Variants in ITFG1 observed in about 807,000 individuals in gnomAD.
ITFG1 encodes T-cell immunomodulatory protein.
ITFG1 carries 34 observed loss-of-function variants against 81.8 expected under a neutral mutation model. That is an observed-to-expected ratio of 0.42 (90% confidence interval 0.32 to 0.55). The LOEUF is 0.55. ITFG1 is among the 20% of genes least tolerant of loss of function. The pLI, the probability that ITFG1 is intolerant of heterozygous loss-of-function variation, is 0.17. For synonymous variants in ITFG1, 285 were observed against 270.6 expected, an observed-to-expected ratio of 1.05 and a Z score of -0.52; for missense variants, 672 against 755.4, an observed-to-expected ratio of 0.89 and a Z score of 1.29.
intron 13 of ITFG1, among the ~76,000 whole-genome samples, chr16:47,221,028 A>C (rs938387089): frequency 6.6e-6 from 1 of 152,204 alleles, no homozygotes; most frequent in Non-Finnish European, 1.5e-5. Context: ...GAAAACCAAC[A>C]GCTTTGCAAG....
intron 14 of ITFG1, chr16:47,202,150 T>C (rs370480184): frequency 7.2e-5 from 11 of 152,352 alleles, no homozygotes; most frequent in African/African-American, 2.4e-4. Context: ...TATGTTGAAC[T>C]AGATAATAGT....
chr16:47,358,544 A>G (rs1968069812), intron 8 of ITFG1, among the ~76,000 whole-genome samples: 1 of 152,234 alleles, frequency 6.6e-6, no homozygotes, highest in Non-Finnish European at 1.5e-5. Context: ...TTTTAGATTC[A>G]GAACAATTTT....
At chr16:47,177,000 C>T (rs1965035832) in intron 14 of ITFG1, among the ~76,000 whole-genome samples, 1 of 150,940 alleles carries the variant, frequency 6.6e-6, no homozygotes, top group Admixed American at 6.6e-5. Flanking sequence ...GCTCTGTGAC[C>T]CAGGCTGGAG....
chr16:47,266,420 G>A (rs1024218578), intron 10 of ITFG1, among the ~76,000 whole-genome samples: 1 of 152,164 alleles, frequency 6.6e-6, no homozygotes, highest in Non-Finnish European at 1.5e-5. Context: ...GTTTCACCAT[G>A]TTGGCCCGGC....
intron 8 of ITFG1, among the ~76,000 whole-genome samples, chr16:47,345,278 T>A (rs1292623280): frequency 6.6e-6 from 1 of 150,590 alleles, no homozygotes; most frequent in Non-Finnish European, 1.5e-5. Context: ...AGAAAAAAAA[T>A]TGCAAAAAAA....
intron 6 of ITFG1, among the ~76,000 whole-genome samples, chr16:47,416,377 CTG>C (rs1302042757): frequency 6.6e-6 from 1 of 151,924 alleles, no homozygotes; most frequent in Non-Finnish European, 1.5e-5. Context: ...AAAGAAAAAA[CTG>C]AGAATTCATA....
intron 10 of ITFG1, among the ~76,000 whole-genome samples, chr16:47,265,853 T>A (rs113989188): frequency 1.2e-3 from 180 of 152,128 alleles, no homozygotes; most frequent in Non-Finnish European, 2.1e-3. Context: ...ATATATTGCC[T>A]CCAATATAAA....
rs1969059741 is a variant in ITFG1 at position 47,428,992 on chromosome 16, A to G, written c.561-94T>C. 4 of 699,548 alleles carry G rather than the reference A, an allele frequency of 5.7e-6. No individual in the cohort carries two copies. In the Admixed American group the frequency reaches 8.6e-5, roughly 15 times the overall value. The allele number at this position is 699,548 out of a possible 1,614,324, so 43.3% of individuals were successfully genotyped here. On this transcript the variant is annotated intron_variant, in intron 5 of 17. Coordinates refer to ENST00000320640, the MANE Select transcript of ITFG1 (RefSeq NM_030790.5). ...CTCTGCATGCAAAACACTTAAATTT[A>G]TTTATTTTCATTGATATATTCAACA...
chr16:47,454,640 A>T (rs986870702), intron 2 of ITFG1, among the ~76,000 whole-genome samples: 7 of 152,148 alleles, frequency 4.6e-5, no homozygotes, highest in African/African-American at 1.7e-4. Flanking sequence ...TTATTTCTGA[A>T]AGCTAGTAAA....
chr16:47,270,293 T>C (rs981280508), intron 10 of ITFG1, among the ~76,000 whole-genome samples: 1 of 152,192 alleles, frequency 6.6e-6, no homozygotes, highest in Admixed American at 6.5e-5. Context: ...AAGAAAATAT[T>C]TGCAAATGAC....
At chr16:47,325,961 C>T (rs1407982435) in intron 8 of ITFG1, among the ~76,000 whole-genome samples, 1 of 152,184 alleles carries the variant, frequency 6.6e-6, no homozygotes, top group African/African-American at 2.4e-5. Flanking sequence ...GGAATCCTCC[C>T]TAACTCATTT....
intron 8 of ITFG1, among the ~76,000 whole-genome samples, chr16:47,325,014 A>C (rs1167569371): frequency 1.3e-5 from 2 of 152,182 alleles, no homozygotes; most frequent in Non-Finnish European, 2.9e-5. Flanking sequence ...CTCTACCCCA[A>C]ATCAACAGAA....
intron 10 of ITFG1, among the ~76,000 whole-genome samples, chr16:47,289,449 T>C (rs1307389126): frequency 1.3e-5 from 2 of 152,220 alleles, no homozygotes; most frequent in African/African-American, 4.8e-5. Flanking sequence ...TAATGTTTTA[T>C]AGAATTCAGT....
chr16:47,179,062 A>T (rs1436621735), intron 14 of ITFG1, among the ~76,000 whole-genome samples: 2 of 152,114 alleles, frequency 1.3e-5, no homozygotes, highest in Admixed American at 6.5e-5. Context: ...GCGATCATTA[A>T]AAAGTCAGGA....
intron 8 of ITFG1, among the ~76,000 whole-genome samples, chr16:47,321,790 A>C (rs1485408454): frequency 6.6e-6 from 1 of 152,252 alleles, no homozygotes; most frequent in African/African-American, 2.4e-5. Context: ...AAATAAAATT[A>C]AGAATTTTAA....
intron 6 of ITFG1, among the ~76,000 whole-genome samples, chr16:47,392,510 T>C (rs987783129): frequency 3.3e-5 from 5 of 152,132 alleles, no homozygotes; most frequent in African/African-American, 9.7e-5. Context: ...CTGTGATCTA[T>C]TGTAAGGACT....
intron 5 of ITFG1, among the ~76,000 whole-genome samples, chr16:47,430,462 A>G (rs1316963552): frequency 6.6e-6 from 1 of 152,204 alleles, no homozygotes; most frequent in African/African-American, 2.4e-5. Flanking sequence ...ACCATATCAA[A>G]GAATCCATTT....
chr16:47,347,839 G>C (rs1967881828), intron 8 of ITFG1, among the ~76,000 whole-genome samples: 1 of 152,216 alleles, frequency 6.6e-6, no homozygotes, highest in Non-Finnish European at 1.5e-5. Flanking sequence ...ACCCCTCTGA[G>C]ACGGAACTTC....
chr16:47,459,691 G>C (rs950985648), intron 1 of ITFG1, among the ~76,000 whole-genome samples: 1 of 152,176 alleles, frequency 6.6e-6, no homozygotes, highest in Non-Finnish European at 1.5e-5. Flanking sequence ...CCATCCTCCA[G>C]AGGGTGACAC....
Sources: gnomAD v4.1 joint callset for allele counts (sites outside exome capture counted in the v4.1 genomes callset) on GRCh38, gnomAD v4.1.1 for gene constraint, MANE v1.5 for transcripts, NCBI Gene and HGNC (gene_info 2026-07-23, HGNC 2026-07-21) for gene names.